Variants in ROBO1 observed in about 807,000 individuals in gnomAD.
The protein encoded by ROBO1 is roundabout homolog 1.
Under a neutral mutation model 195.9 loss-of-function variants are expected in ROBO1, and 149 were observed. The ratio of observed to expected loss-of-function variants is 0.76; its 90% CI spans 0.67 to 0.87. The LOEUF (loss-of-function observed/expected upper bound fraction) is 0.87. ROBO1 is among the 40% of genes least tolerant of loss of function. The pLI is 0.00. For synonymous variants in ROBO1, 816 were observed against 733.2 expected (o/e 1.11, Z -1.82); for missense variants, 1,933 against 2,068.3 (o/e 0.93, Z 1.27).
chr3:79,186,304 C>T (rs1490300100), intron 2 of ROBO1, among the ~76,000 whole-genome samples: 1 of 151,812 alleles, frequency 6.6e-6, no homozygotes, highest in Non-Finnish European at 1.5e-5. Context: ...TATCTACACA[C>T]ACATGCACAA....
At chr3:79,137,990 T>C (rs78877552) in intron 2 of ROBO1, among the ~76,000 whole-genome samples, 1,522 of 152,126 alleles carry the variant, frequency 0.01, 29 homozygotes, top group African/African-American at 0.035. Flanking sequence ...AAATAAAGTA[T>C]TTAATAAGGT....
chr3:79,560,213 A>G (rs1280560942), intron 2 of ROBO1, among the ~76,000 whole-genome samples: 2 of 151,864 alleles, frequency 1.3e-5, no homozygotes, highest in African/African-American at 4.8e-5. Flanking sequence ...ATAAAAAATG[A>G]TGAGTTCATG....
At chr3:78,625,504 T>C (rs1256755106) in intron 26 of ROBO1, among the ~76,000 whole-genome samples, 3 of 152,134 alleles carry the variant, frequency 2.0e-5, no homozygotes, top group Non-Finnish European at 4.4e-5. Context: ...GAAGTTCAAC[T>C]GGAAATATTG....
chr3:79,083,036 T>C (rs2079303173), intron 3 of ROBO1, among the ~76,000 whole-genome samples: 1 of 152,092 alleles, frequency 6.6e-6, no homozygotes, highest in African/African-American at 2.4e-5. Flanking sequence ...TAAAGAAATA[T>C]TTATTTGTAA....
chr3:79,418,377 G>T (rs1310740486), intron 2 of ROBO1, among the ~76,000 whole-genome samples: 1 of 152,212 alleles, frequency 6.6e-6, no homozygotes, highest in East Asian at 1.9e-4. Context: ...ATTGGATTCA[G>T]CAGATGTGAT....
At chr3:78,644,556 T>C (rs919008922) in intron 21 of ROBO1, among the ~76,000 whole-genome samples, 5 of 152,212 alleles carry the variant, frequency 3.3e-5, no homozygotes, top group Non-Finnish European at 7.3e-5. Context: ...TACTTACTAT[T>C]TGAAATAAAT....
chr3:78,770,086 G>C (rs1050123247), intron 4 of ROBO1, among the ~76,000 whole-genome samples: 3 of 152,086 alleles, frequency 2.0e-5, no homozygotes, highest in African/African-American at 4.8e-5. Context: ...TAATTTCCCA[G>C]GTGTTCTTCT....
chr3:79,355,960 CTATT>C (rs1431394674), intron 2 of ROBO1, among the ~76,000 whole-genome samples: 1 of 152,094 alleles, frequency 6.6e-6, no homozygotes. Context: ...TATAGTATTT[CTATT>C]TATAACTTTT....
In ROBO1 at chr3:78,950,561, T is replaced by C. The variant is rs565311896; in HGVS notation, c.173-11634A>G. ...AAGCTTTAGGAGATATACCTATTGCTAAATGACGAGTTAATGGGTGCAGCA... is the reference window on the plus strand; with the variant it reads ...AAGCTTTAGGAGATATACCTATTGCCAAATGACGAGTTAATGGGTGCAGCA... On this transcript the variant is annotated intron_variant, in intron 3 of 30. Coordinates refer to ENST00000464233, the MANE Select transcript of ROBO1 (RefSeq NM_002941.4). Among the ~76,000 whole-genome samples the C allele has an allele frequency of 1.2e-3, 181 of 150,546 alleles. 3 individuals carry two copies. The highest frequency in any genetic ancestry group is 3.4e-3 in the Middle Eastern group (1 of 294).
At position 79,061,691 on chromosome 3, in the gene ROBO1, A is replaced by T. The variant is rs559466332; in HGVS notation, c.172+63765T>A. Reference sequence around the variant, plus strand: ...GAACAGAACAGAGACCTCAGAAATAACACTACACATCTACAACCATCTGAC... The same window carrying T: ...GAACAGAACAGAGACCTCAGAAATATCACTACACATCTACAACCATCTGAC... On this transcript the variant is annotated intron_variant, in intron 3 of 30. Transcript: ENST00000464233. Among the ~76,000 whole-genome samples, 8 of 152,244 alleles carry T rather than the reference A, an allele frequency of 5.3e-5. 1 individual carries two copies. The South Asian group carries it at 1.7e-3, about 32-fold the overall frequency.
At chr3:79,668,568 C>A (rs1352127338) in intron 1 of ROBO1, among the ~76,000 whole-genome samples, 1 of 151,622 alleles carries the variant, frequency 6.6e-6, no homozygotes. Flanking sequence ...AGAGGATAAT[C>A]ATTCAGCCCA....
chr3:78,922,205 T>C (rs572453517), intron 4 of ROBO1, among the ~76,000 whole-genome samples: 5 of 152,128 alleles, frequency 3.3e-5, no homozygotes, highest in Admixed American at 2.0e-4. Flanking sequence ...CTCTTCCAAT[T>C]TGAAGACCAA....
chr3:79,247,821 G>A (rs995582270), intron 2 of ROBO1, among the ~76,000 whole-genome samples: 7 of 152,112 alleles, frequency 4.6e-5, no homozygotes, highest in African/African-American at 1.7e-4. Flanking sequence ...AGCAGACACA[G>A]TAATGAGGCA....
chr3:78,807,369 T>C (rs952839855), intron 4 of ROBO1, among the ~76,000 whole-genome samples: 3 of 152,096 alleles, frequency 2.0e-5, no homozygotes, highest in African/African-American at 7.2e-5. Flanking sequence ...AATGTATTTC[T>C]CAAAAAAACT....
intron 2 of ROBO1, among the ~76,000 whole-genome samples, chr3:79,324,162 T>C (rs1325505032): frequency 3.9e-5 from 6 of 152,186 alleles, no homozygotes; most frequent in African/African-American, 1.4e-4. Flanking sequence ...CATAAGCCTT[T>C]AGGTGAAGAA....
chr3:79,686,142 C>A (rs1248294424), intron 1 of ROBO1, among the ~76,000 whole-genome samples: 2 of 152,108 alleles, frequency 1.3e-5, no homozygotes, highest in Non-Finnish European at 2.9e-5. Context: ...TCAACAGATG[C>A]AGAAAAAGCC....
At position 78,657,205 on chromosome 3, in the gene ROBO1, G is replaced by A. The variant is rs1400913416; in HGVS notation, c.2507C>T (p.Ser836Phe). 6.2e-7 allele frequency: 1 copy of A among 1,613,522 alleles called. No individual in the cohort carries two copies. Among genetic ancestry groups the A allele is most frequent in the Admixed American group, 1.7e-5 (1 of 59,960 alleles). Residue 836 changes from serine to phenylalanine, a missense_variant, in exon 18 of 31, where the codon TCC (serine) becomes TTC (phenylalanine). Around this residue, in one of 3 missense-constraint regions of ROBO1, gnomAD observed 1,737 missense variants for 1,882.5 expected, o/e 0.92. Transcript: ENST00000464233. ...AGGAACAAGAAAGGGAATGACCACG[G>A]AAAAGGTGGAACCATCCACTGTTTT... ...INKTVDGSTF[S>F]VVIPFLVPGI...
chr3:79,459,652 G>A (rs2039734996), intron 2 of ROBO1, among the ~76,000 whole-genome samples: 1 of 151,946 alleles, frequency 6.6e-6, no homozygotes, highest in Non-Finnish European at 1.5e-5. Flanking sequence ...TCAGTAAAAT[G>A]TCTTTTCAGA....
intron 8 of ROBO1, among the ~76,000 whole-genome samples, chr3:78,711,361 TCCTTCCTTCCTTCCTTC>T (rs2081707576): frequency 1.5e-4 from 6 of 40,292 alleles, no homozygotes; most frequent in African/African-American, 5.9e-4. Flanking sequence ...CTTCCTTCCT[TCCTTCCTTCCTTCCTTC>T]CTTCCTTCCT....
Sources: allele counts gnomAD v4.1 joint callset (sites outside exome capture counted in the v4.1 genomes callset), GRCh38; gene constraint gnomAD v4.1.1; regional missense constraint gnomAD v4.1.1; transcripts MANE v1.5; gene names NCBI Gene and HGNC (gene_info 2026-07-23, HGNC 2026-07-21).